Variants in FMN1 observed in about 807,000 individuals in gnomAD.
The protein encoded by FMN1 is formin-1.
Under a neutral mutation model 132.4 loss-of-function variants are expected in FMN1, and 110 were observed. That is an observed-to-expected ratio of 0.83 (90% CI 0.71 to 0.97). The LOEUF (loss-of-function observed/expected upper bound fraction) is 0.97, where lower values mean the gene tolerates loss of function less well. Ranked by LOEUF, FMN1 falls within the 50% of genes least tolerant of loss-of-function variation. FMN1 has a pLI of 0.00. For synonymous variants in FMN1, 722 were observed against 651.7 expected, an observed-to-expected ratio of 1.11 and a Z score of -1.64; for missense variants, 1,792 against 1,705.3, an observed-to-expected ratio of 1.05 and a Z score of -0.90.
chr15:32,824,918 A>G (rs1412666334), intron 17 of FMN1, among the ~76,000 whole-genome samples: 1 of 152,190 alleles, frequency 6.6e-6, no homozygotes, highest in Non-Finnish European at 1.5e-5. Flanking sequence ...AATTCCAATT[A>G]TTCCCTGAAT....
chr15:32,888,038 C>T, intron 16 of FMN1, 134 bp downstream of exon 16: 3 of 636,810 alleles, frequency 4.7e-6, no homozygotes, highest in Non-Finnish European at 4.9e-6. Flanking sequence ...AGGAAAGTTT[C>T]CTGAAAGCTG....
intron 5 of FMN1, among the ~76,000 whole-genome samples, chr15:33,083,192 T>TAA (rs2038554063): frequency 6.6e-6 from 1 of 152,220 alleles, no homozygotes; most frequent in Non-Finnish European, 1.5e-5. Flanking sequence ...CGTAACTTCT[T>TAA]AAGTGATAAG....
chr15:32,921,474 T>C (rs932019684), intron 10 of FMN1, among the ~76,000 whole-genome samples: 9 of 152,148 alleles, frequency 5.9e-5, no homozygotes, highest in Non-Finnish European at 1.3e-4. Context: ...AACAGTGTGA[T>C]AGATATTGCT....
At chr15:33,124,048 G>C (rs146540701) in intron 4 of FMN1, among the ~76,000 whole-genome samples, 102 of 152,290 alleles carry the variant, frequency 6.7e-4, no homozygotes, top group Non-Finnish European at 1.1e-3. Flanking sequence ...ACTCTCTAGA[G>C]TATAACTTAG....
intron 16 of FMN1, among the ~76,000 whole-genome samples, chr15:32,887,903 AATGTT>A (rs2059932788): frequency 1.3e-5 from 2 of 152,212 alleles, no homozygotes; most frequent in South Asian, 4.1e-4. Context: ...TATCATTAAT[AATGTT>A]ATAACTACTA....
intron 4 of FMN1, among the ~76,000 whole-genome samples, chr15:33,107,714 G>A (rs1028592819): frequency 6.6e-6 from 1 of 151,954 alleles, no homozygotes; most frequent in East Asian, 1.9e-4. Context: ...TTGCCAACAA[G>A]CTCTCTAGTA....
chr15:32,901,928 T>C lies in FMN1; in HGVS notation c.3490A>G (p.Ile1164Val), dbSNP rs780042437. 3 of 1,610,144 alleles carry C rather than the reference T, an allele frequency of 1.9e-6. No homozygotes were observed. The highest frequency in any genetic ancestry group is 1.6e-4 in the Middle Eastern group (1 of 6,064). ...ITSLHRKVEIITRASKDLLHV... is the reference protein window; with the variant it reads ...ITSLHRKVEIVTRASKDLLHV... ...AAACATACCTTAGAAGCTCGCGTGATGATCTCTACCTTTCTGTGCAAGGAG... is the reference window on the plus strand; with the variant it reads ...AAACATACCTTAGAAGCTCGCGTGACGATCTCTACCTTTCTGTGCAAGGAG... Residue 1164 changes from isoleucine to valine, a missense_variant, in exon 13 of 21, where the codon ATC (isoleucine) becomes GTC (valine). Physicochemically the swap from Ile to Val is conservative, Grantham distance 29. Transcript: ENST00000616417.
intron 9 of FMN1, among the ~76,000 whole-genome samples, chr15:32,939,566 C>G (rs1481996674): frequency 1.3e-5 from 2 of 152,060 alleles, no homozygotes; most frequent in Non-Finnish European, 2.9e-5. Context: ...CATCTATTAA[C>G]TGAAAATTTC....
At chr15:32,821,810 A>C (rs2058225814) in intron 17 of FMN1, among the ~76,000 whole-genome samples, 1 of 152,106 alleles carries the variant, frequency 6.6e-6, no homozygotes, top group Non-Finnish European at 1.5e-5. Flanking sequence ...AGCTTATTAT[A>C]TCTCAATACC....
chr15:32,950,914 T>C (rs545767265), intron 9 of FMN1, among the ~76,000 whole-genome samples: 8 of 152,348 alleles, frequency 5.3e-5, no homozygotes, highest in African/African-American at 1.9e-4. Flanking sequence ...AATTTCATTT[T>C]GATCAGCAGA....
intron 17 of FMN1, among the ~76,000 whole-genome samples, chr15:32,852,755 T>C (rs1035030778): frequency 7.2e-5 from 11 of 152,182 alleles, no homozygotes; most frequent in Non-Finnish European, 1.2e-4. Flanking sequence ...TGCAAAATAA[T>C]TGCACAAACC....
At chr15:32,861,380 G>A (rs1041391604) in intron 16 of FMN1, among the ~76,000 whole-genome samples, 3 of 152,106 alleles carry the variant, frequency 2.0e-5, no homozygotes, top group Non-Finnish European at 2.9e-5. Flanking sequence ...GAGCCCATGC[G>A]GTGCCCATCA....
At chr15:33,174,581 C>T (rs1388376680) in intron 3 of FMN1, among the ~76,000 whole-genome samples, 1 of 152,162 alleles carries the variant, frequency 6.6e-6, no homozygotes, top group Non-Finnish European at 1.5e-5. Flanking sequence ...AGACCCCAAT[C>T]ATCAACATTT....
chr15:33,161,085 T>G (rs1421137914), intron 3 of FMN1, among the ~76,000 whole-genome samples: 1 of 152,232 alleles, frequency 6.6e-6, no homozygotes, highest in Non-Finnish European at 1.5e-5. Flanking sequence ...AAAAGGCCAA[T>G]GCAAAGCTTT....
chr15:32,928,894 A>C (rs979166606), intron 9 of FMN1, among the ~76,000 whole-genome samples: 1 of 152,232 alleles, frequency 6.6e-6, no homozygotes, highest in Non-Finnish European at 1.5e-5. Flanking sequence ...TAATTAAAAG[A>C]AAGCAGGAGA....
intron 6 of FMN1, among the ~76,000 whole-genome samples, chr15:33,010,184 CA>C (rs1195674599): frequency 1.3e-5 from 2 of 152,090 alleles, no homozygotes; most frequent in African/African-American, 4.8e-5. Flanking sequence ...AGGCACTATG[CA>C]GAGTGAAAGA....
intron 9 of FMN1, among the ~76,000 whole-genome samples, chr15:32,936,193 A>G (rs187962499): frequency 1.3e-5 from 2 of 152,302 alleles, no homozygotes. Flanking sequence ...TTATTTGTCA[A>G]GTAATTCATA....
At chr15:32,818,794 A>T (rs2058126059) in intron 17 of FMN1, among the ~76,000 whole-genome samples, 1 of 151,922 alleles carries the variant, frequency 6.6e-6, no homozygotes, top group African/African-American at 2.4e-5. Flanking sequence ...CGCATTCAGT[A>T]GGAAACAGAT....
Position 33,008,057 on chromosome 15 carries a change from A to T in FMN1, c.2180T>A (p.Leu727Ter), listed in dbSNP as rs201255763. 3.1e-6 allele frequency: 5 copies of T among 1,598,802 alleles called. No homozygotes were observed. The highest frequency in any genetic ancestry group is 2.3e-5 in the South Asian group (2 of 88,084). Residue 727 changes from leucine (L) to a stop codon, truncating the protein, a stop_gained, in exon 7 of 21, where the codon TTA (leucine) becomes TAA (stop). Coordinates refer to ENST00000616417, the MANE Select transcript of FMN1 (RefSeq NM_001277313.2). LOFTEE classifies it high-confidence loss of function. Reference protein sequence around the residue: ...YTEAEYQAAILHLKREHKEEI... With the variant: ...YTEAEYQAAI Reference sequence around the variant, plus strand: ...TTCTTTGTGCTCCCTCTTCAAGTGTAAAATAGCAGCTTGGTATTCTGTAAA... The same window carrying T: ...TTCTTTGTGCTCCCTCTTCAAGTGTTAAATAGCAGCTTGGTATTCTGTAAA...
Sources: gnomAD v4.1 joint callset for allele counts (sites outside exome capture counted in the v4.1 genomes callset) on GRCh38, gnomAD v4.1.1 for gene constraint, MANE v1.5 for transcripts, NCBI Gene and HGNC (gene_info 2026-07-23, HGNC 2026-07-21) for gene names.